Variants in TET1 observed in about 807,000 individuals in gnomAD.
TET1 encodes the protein methylcytosine dioxygenase TET1.
A neutral mutation model predicts 148.7 loss-of-function variants in TET1; 13 were observed. The ratio of observed to expected loss-of-function variants is 0.09; its 90% confidence interval spans 0.06 to 0.14. The LOEUF is 0.14. Among genes scored for constraint, TET1 ranks in the 10% least tolerant of loss-of-function variants. The pLI is 1.00. For synonymous variants in TET1, 907 were observed against 937.2 expected (o/e 0.97, Z 0.59); for missense variants, 2,182 against 2,553.8 (o/e 0.85, Z 3.14).
rs2053683435 is a variant in TET1 at position 68,572,670 on chromosome 10, T to A, written c.332T>A (p.Leu111His). Residue 111 changes from leucine (L) to histidine (H), a missense_variant, in exon 2 of 12, where the codon CTT becomes CAT. This residue lies in a region of TET1 where 665 missense variants were observed against 672.4 expected (regional missense o/e 0.99). Coordinates refer to ENST00000373644, the MANE Select transcript of TET1 (RefSeq NM_030625.3). ...GFTMALRSTS[L>H]SRRLSQPPLV... Reference sequence around the variant, plus strand: ...ACAATGGCGCTACGAAGCACCTCTCTTAGCAGGCGACTCTCCCAACCCCCA... The same window carrying A: ...ACAATGGCGCTACGAAGCACCTCTCATAGCAGGCGACTCTCCCAACCCCCA... 2 of 1,614,028 alleles carry A rather than the reference T, an allele frequency of 1.2e-6. No homozygotes were observed. Among genetic ancestry groups the A allele is most frequent in the Non-Finnish European group, 1.7e-6 (2 of 1,180,024 alleles).
intron 3 of TET1, among the ~76,000 whole-genome samples, chr10:68,617,441 C>T (rs1208575615): frequency 6.6e-6 from 1 of 152,068 alleles, no homozygotes; most frequent in Non-Finnish European, 1.5e-5. Context: ...GATACAGGGA[C>T]ACCCTACCAA....
At chr10:68,690,676 A>G in intron 11 of TET1, 132 bp from the exon 12 acceptor site, 1 of 842,742 alleles carries the variant, frequency 1.2e-6, no homozygotes, top group East Asian at 2.7e-5. Flanking sequence ...AATGAACAGA[A>G]CAAAACCAAC....
At chr10:68,640,544 CTTTTTT>C (rs60460824) in intron 3 of TET1, among the ~76,000 whole-genome samples, 44 of 42,878 alleles carry the variant, frequency 1.0e-3, no homozygotes, top group South Asian at 1.4e-3. Context: ...TTCTTTCTTT[CTTTTTT>C]TTTTTTTTTT....
intron 3 of TET1, among the ~76,000 whole-genome samples, chr10:68,641,665 A>AT (rs57618457): frequency 6.6e-6 from 1 of 151,234 alleles, no homozygotes; most frequent in Non-Finnish European, 1.5e-5. Flanking sequence ...TGCCCGGCTA[A>AT]TTTTTTTTTT....
chr10:68,630,140 G>C (rs577190393), intron 3 of TET1, among the ~76,000 whole-genome samples: 1 of 152,296 alleles, frequency 6.6e-6, no homozygotes, highest in African/African-American at 2.4e-5. Context: ...GAGGACACGG[G>C]CTGGATGGAA....
Position 68,579,242 on chromosome 10 carries a change from G to A in TET1, c.1914+4990G>A, listed in dbSNP as rs139825815. Among the ~76,000 whole-genome samples, 16 of 152,282 alleles carry A rather than the reference G, an allele frequency of 1.1e-4. No individual in the cohort carries two copies. The East Asian group carries it at 3.1e-3, about 29-fold the overall frequency. On this transcript the variant is annotated intron_variant, in intron 2 of 11. Transcript: ENST00000373644. ...ATCTCTAATGGATATGAACACATTTGTTCTATTCTTTCTCAAACCTGCTCT... is the reference window on the plus strand; with the variant it reads ...ATCTCTAATGGATATGAACACATTTATTCTATTCTTTCTCAAACCTGCTCT...
At chr10:68,614,661 T>A (rs1308626232) in intron 3 of TET1, among the ~76,000 whole-genome samples, 2 of 152,086 alleles carry the variant, frequency 1.3e-5, no homozygotes, top group African/African-American at 4.8e-5. Flanking sequence ...GGACTACAGG[T>A]GTGCTCACTG....
At chr10:68,613,734 C>T (rs2054249269) in intron 3 of TET1, among the ~76,000 whole-genome samples, 1 of 152,046 alleles carries the variant, frequency 6.6e-6, no homozygotes, top group Non-Finnish European at 1.5e-5. Flanking sequence ...GTCAGGAGTT[C>T]GAGACCAGCC....
chr10:68,617,003 G>A (rs1482855241), intron 3 of TET1, among the ~76,000 whole-genome samples: 2 of 105,712 alleles, frequency 1.9e-5, no homozygotes, highest in African/African-American at 7.3e-5. Flanking sequence ...CACCGCGCCT[G>A]GCCTTTTTTT....
rs142827936 is a variant in TET1, at chr10:68,566,272, A to G, written c.-123+5530A>G. Among the ~76,000 whole-genome samples, 422 of 152,322 alleles carry G rather than the reference A, an allele frequency of 2.8e-3. 3 individuals carry two copies. The highest frequency in any genetic ancestry group is 9.4e-3 in the African/African-American group (392 of 41,572). On this transcript the variant is annotated intron_variant, in intron 1 of 11. Transcript: ENST00000373644. ...GCAGTATAATCTTGATACAAGAGAGAAAGCATGCTTTTAATGATATCGTTG... is the reference window on the plus strand; with the variant it reads ...GCAGTATAATCTTGATACAAGAGAGGAAGCATGCTTTTAATGATATCGTTG...
At chr10:68,643,914 AT>A (rs1008451765) in intron 3 of TET1, among the ~76,000 whole-genome samples, 1 of 150,036 alleles carries the variant, frequency 6.7e-6, no homozygotes, top group African/African-American at 2.5e-5. Context: ...TTTATTTTTT[AT>A]TTTTTTTGAG....
In TET1 at chr10:68,681,460, A is replaced by G. The variant is rs773351318; in HGVS notation, c.4886A>G (p.Gln1629Arg). ...ACACGATTAGCTCCAATTTATAAGC[A>G]GTATGCTCCAGTAGCTTACCAAAAT... is the stretch of plus-strand genomic sequence containing the variant. ...LATRLAPIYK[Q>R]YAPVAYQNQV... Residue 1629 changes from glutamine to arginine, a missense_variant, in exon 9 of 12, where the codon CAG (glutamine) becomes CGG (arginine). Transcript: ENST00000373644. The G allele has an allele frequency of 2.3e-5, 37 of 1,613,502 alleles. No homozygotes were observed. The highest frequency in any genetic ancestry group is 3.1e-5 in the Non-Finnish European group (37 of 1,179,618).
At position 68,591,764 on chromosome 10, in the gene TET1, G is replaced by A. The variant is rs147395781; in HGVS notation, c.1915-9217G>A. Among the ~76,000 whole-genome samples, 971 of 152,090 alleles carry A rather than the reference G, an allele frequency of 6.4e-3. 18 individuals carry two copies. Among genetic ancestry groups the A allele is most frequent in the African/African-American group, 0.022 (923 of 41,472 alleles). On this transcript the variant is annotated intron_variant, in intron 2 of 11. Transcript: ENST00000373644. ...AAAAAATACAAAAAATTAGCTGGGC[G>A]TGGTGGTGGGCACCTGTAGTCCCAG... is the stretch of plus-strand genomic sequence containing the variant.
chr10:68,664,334 A>ATG (rs2055164454), intron 6 of TET1, among the ~76,000 whole-genome samples: 2 of 152,010 alleles, frequency 1.3e-5, no homozygotes, highest in Admixed American at 1.3e-4. Flanking sequence ...AATATATATA[A>ATG]TGTGTATATA....
At chr10:68,572,069 G>C (rs2053676435) in intron 1 of TET1, 148 bp from the exon 2 acceptor site, 3 of 369,370 alleles carry the variant, frequency 8.1e-6, no homozygotes. Context: ...GCTGAGCTGT[G>C]ATCATGCCTC....
rs567513166 is a variant in TET1, at chr10:68,672,890, T to C, written c.4674-5T>C. ...AATTCACTCTCTTGAATTACAATCT[T>C]ACAGTCGTACCTGTACATGTCAAGG... On this transcript the variant is annotated splice_region_variant and splice_polypyrimidine_tract_variant and intron_variant, in intron 7 of 11. Coordinates refer to ENST00000373644, the MANE Select transcript of TET1 (RefSeq NM_030625.3). 1 of 1,602,700 alleles carries C rather than the reference T, an allele frequency of 6.2e-7. No individual in the cohort carries two copies. Among genetic ancestry groups the C allele is most frequent in the Admixed American group, 1.7e-5 (1 of 59,908 alleles).
chr10:68,567,384 G>T (rs541220404), intron 1 of TET1, among the ~76,000 whole-genome samples: 1 of 151,966 alleles, frequency 6.6e-6, no homozygotes, highest in African/African-American at 2.4e-5. Context: ...GATTGAACCC[G>T]GGAGGGTTCA....
intron 4 of TET1, among the ~76,000 whole-genome samples, chr10:68,651,016 ATAT>A (rs1320555830): frequency 2.6e-5 from 4 of 152,146 alleles, no homozygotes; most frequent in African/African-American, 4.8e-5. Flanking sequence ...TGTTTTATAA[ATAT>A]TATTGTTTCA....
chr10:68,569,841 T>C (rs2053647346), intron 1 of TET1, among the ~76,000 whole-genome samples: 1 of 152,130 alleles, frequency 6.6e-6, no homozygotes, highest in Non-Finnish European at 1.5e-5. Context: ...TGGTTTCTAA[T>C]GTAGAGAAAA....
Sources: gnomAD v4.1 joint callset for allele counts (sites outside exome capture counted in the v4.1 genomes callset) on GRCh38, gnomAD v4.1.1 for gene constraint, gnomAD v4.1.1 regional missense constraint, MANE v1.5 for transcripts, NCBI Gene and HGNC (gene_info 2026-07-23, HGNC 2026-07-21) for gene names.